Variants in NEGR1 observed in about 807,000 individuals in gnomAD.
NEGR1 encodes the protein neuronal growth regulator 1, also known as IgLON family member 4.
In NEGR1, 10 loss-of-function variants were observed where a neutral mutation model predicts 40.9. The observed-to-expected ratio is 0.24, with a 90% confidence interval of 0.15 to 0.42. NEGR1 has a LOEUF of 0.42. NEGR1 is among the 10% of genes least tolerant of loss of function. NEGR1 has a pLI of 1.00. For missense variants in NEGR1, 352 were observed against 438.9 expected, an observed-to-expected ratio of 0.80 and a Z score of 1.77; for synonymous variants, 185 against 166.8, an observed-to-expected ratio of 1.11 and a Z score of -0.84.
chr1:71,926,222 A>G (rs1166425407), intron 2 of NEGR1, among the ~76,000 whole-genome samples: 1 of 152,152 alleles, frequency 6.6e-6, no homozygotes, highest in Non-Finnish European at 1.5e-5. Context: ...TGTGTTATCA[A>G]AAACAGAAAT....
At chr1:71,925,612 T>C (rs1645765164) in intron 2 of NEGR1, among the ~76,000 whole-genome samples, 1 of 152,212 alleles carries the variant, frequency 6.6e-6, no homozygotes, top group Non-Finnish European at 1.5e-5. Context: ...CTGCAAAATG[T>C]TATCTTTGCT....
intron 2 of NEGR1, among the ~76,000 whole-genome samples, chr1:71,809,783 C>T (rs1161491116): frequency 1.3e-5 from 2 of 151,984 alleles, no homozygotes; most frequent in Non-Finnish European, 2.9e-5. Context: ...CGTAGTAATT[C>T]ACATGCTCAA....
At chr1:71,464,210 C>A (rs1646730969) in intron 6 of NEGR1, among the ~76,000 whole-genome samples, 1 of 152,074 alleles carries the variant, frequency 6.6e-6, no homozygotes, top group Non-Finnish European at 1.5e-5. Flanking sequence ...GTTGTATCAT[C>A]AAGTCAGGGA....
At chr1:71,444,743 A>ATT (rs1646569298) in intron 6 of NEGR1, among the ~76,000 whole-genome samples, 3 of 9,368 alleles carry the variant, frequency 3.2e-4, no homozygotes, top group Non-Finnish European at 8.4e-3. Flanking sequence ...TTCAAGAAAA[A>ATT]CTGTCAATCC....
At chr1:71,601,932 G>C (rs1297187020) in intron 5 of NEGR1, among the ~76,000 whole-genome samples, 1 of 151,982 alleles carries the variant, frequency 6.6e-6, no homozygotes, top group Non-Finnish European at 1.5e-5. Context: ...TAACAGCCTT[G>C]CACATGTACC....
At chr1:72,159,928 T>G (rs1399401151) in intron 1 of NEGR1, among the ~76,000 whole-genome samples, 1 of 152,108 alleles carries the variant, frequency 6.6e-6, no homozygotes, top group African/African-American at 2.4e-5. Context: ...ATTATAACAG[T>G]TTCTTGACTC....
intron 1 of NEGR1, among the ~76,000 whole-genome samples, chr1:72,073,415 T>C (rs544087990): frequency 1.3e-5 from 2 of 152,252 alleles, no homozygotes; most frequent in East Asian, 1.9e-4. Flanking sequence ...TGCTCTGTGA[T>C]TATTTCCTCT....
At chr1:71,647,803 T>C (rs1651582921) in intron 4 of NEGR1, among the ~76,000 whole-genome samples, 1 of 152,010 alleles carries the variant, frequency 6.6e-6, no homozygotes, top group South Asian at 2.1e-4. Context: ...TATACTGAAC[T>C]ACAGCAGCCA....
chr1:72,146,474 C>A (rs1342812454), intron 1 of NEGR1, among the ~76,000 whole-genome samples: 2 of 152,070 alleles, frequency 1.3e-5, no homozygotes, highest in African/African-American at 4.8e-5. Flanking sequence ...GATGGTGATG[C>A]CAACCAACCA....
chr1:71,529,981 A>T (rs1024058876), intron 6 of NEGR1, among the ~76,000 whole-genome samples: 2 of 151,184 alleles, frequency 1.3e-5, no homozygotes, highest in African/African-American at 4.8e-5. Context: ...TGACTTCAGG[A>T]CCTTCATTTC....
intron 2 of NEGR1, among the ~76,000 whole-genome samples, chr1:71,854,626 A>C (rs1331508501): frequency 6.6e-6 from 1 of 152,080 alleles, no homozygotes; most frequent in African/African-American, 2.4e-5. Context: ...ACAGTTCCAC[A>C]CTGCTGGTGG....
chr1:72,167,938 C>A (rs1260059278), intron 1 of NEGR1, among the ~76,000 whole-genome samples: 1 of 151,030 alleles, frequency 6.6e-6, no homozygotes, highest in African/African-American at 2.4e-5. Context: ...AAAAATTTTA[C>A]AAAAAGTCTG....
intron 2 of NEGR1, among the ~76,000 whole-genome samples, chr1:71,906,543 T>G (rs768835045): frequency 2.0e-5 from 3 of 151,892 alleles, no homozygotes; most frequent in East Asian, 1.9e-4. Context: ...TCTCATTAAC[T>G]CTTATAATTG....
At chr1:72,059,296 G>T (rs58133477) in intron 1 of NEGR1, among the ~76,000 whole-genome samples, 4,185 of 151,606 alleles carry the variant, frequency 0.028, 173 homozygotes, top group African/African-American at 0.096. Flanking sequence ...TGTAATCCAA[G>T]TCCACAATCA....
chr1:72,168,358 T>C (rs903886831), intron 1 of NEGR1, among the ~76,000 whole-genome samples: 1 of 152,074 alleles, frequency 6.6e-6, no homozygotes, highest in Non-Finnish European at 1.5e-5. Flanking sequence ...CCAGTCCTTT[T>C]TTTTTCACTC....
intron 5 of NEGR1, among the ~76,000 whole-genome samples, chr1:71,594,767 G>A (rs1396858939): frequency 1.3e-5 from 2 of 152,100 alleles, no homozygotes; most frequent in African/African-American, 4.8e-5. Flanking sequence ...TAACTAATCC[G>A]TATATATGCT....
intron 1 of NEGR1, among the ~76,000 whole-genome samples, chr1:72,192,566 TC>T (rs1652855920): frequency 6.6e-6 from 1 of 151,788 alleles, no homozygotes; most frequent in Admixed American, 6.6e-5. Flanking sequence ...TAAATTACAG[TC>T]TAGGAGGGCA....
chr1:71,572,573 A>G (rs1648841335), intron 6 of NEGR1, among the ~76,000 whole-genome samples: 1 of 152,228 alleles, frequency 6.6e-6, no homozygotes, highest in African/African-American at 2.4e-5. Context: ...CTGCTTAAGC[A>G]TTGATTTCCA....
At chr1:72,126,052 C>T (rs1044648699) in intron 1 of NEGR1, among the ~76,000 whole-genome samples, 6 of 148,658 alleles carry the variant, frequency 4.0e-5, no homozygotes, top group African/African-American at 1.5e-4. Flanking sequence ...GATAGTTTAC[C>T]ATGTGACGTG....
Sources: allele counts gnomAD v4.1 joint callset (sites outside exome capture counted in the v4.1 genomes callset), GRCh38; gene constraint gnomAD v4.1.1; transcripts MANE v1.5; gene names NCBI Gene and HGNC (gene_info 2026-07-23, HGNC 2026-07-21).